The following GRM1 variants were observed in gnomAD, a reference collection of about 807,000 sequenced individuals.
The protein encoded by GRM1 is metabotropic glutamate receptor 1.
GRM1 carries 33 observed loss-of-function variants against 90.9 expected under a neutral mutation model. The observed-to-expected ratio is 0.36, with a 90% CI of 0.28 to 0.49. GRM1 has a LOEUF of 0.49. Ranked by LOEUF, GRM1 falls within the 20% of genes least tolerant of loss-of-function variation. The pLI is 0.99. For synonymous variants in GRM1, 700 were observed against 613.2 expected (o/e 1.14, Z -2.09); for missense variants, 1,190 against 1,534.3 (o/e 0.78, Z 3.75).
intron 2 of GRM1, among the ~76,000 whole-genome samples, chr6:146,184,980 A>G (rs1778677257): frequency 6.6e-6 from 1 of 152,350 alleles, no homozygotes; most frequent in South Asian, 2.1e-4. Context: ...AACCAGAAAT[A>G]TTCATTCTCC....
At chr6:146,161,693 C>T (rs1313136306) in intron 2 of GRM1, among the ~76,000 whole-genome samples, 2 of 152,338 alleles carry the variant, frequency 1.3e-5, no homozygotes, top group African/African-American at 4.8e-5. Flanking sequence ...CTATACCATA[C>T]TCTTTGCCAA....
At chr6:146,345,184 A>C (rs1785135909) in intron 3 of GRM1, among the ~76,000 whole-genome samples, 1 of 152,190 alleles carries the variant, frequency 6.6e-6, no homozygotes, top group South Asian at 2.1e-4. Flanking sequence ...TTTAAATCAC[A>C]AAGTCTGTTC....
chr6:146,387,132 C>T, intron 6 of GRM1, 116 bp downstream of exon 6: 4 of 965,656 alleles, frequency 4.1e-6, no homozygotes, highest in Non-Finnish European at 6.8e-6. Context: ...ACAATGCACA[C>T]TTTTTAGTCC....
At chr6:146,104,448 G>GA (rs200866085) in intron 1 of GRM1, among the ~76,000 whole-genome samples, 1,784 of 145,266 alleles carry the variant, frequency 0.012, 34 homozygotes, top group East Asian at 0.073. Context: ...TCAAAAAAAA[G>GA]AAAAAAAAAA....
At chr6:146,422,287 AG>A (rs1376602127) in intron 7 of GRM1, among the ~76,000 whole-genome samples, 3 of 152,208 alleles carry the variant, frequency 2.0e-5, no homozygotes, top group Non-Finnish European at 4.4e-5. Context: ...GAGAAAATAA[AG>A]TTTAATTTAT....
intron 2 of GRM1, among the ~76,000 whole-genome samples, chr6:146,215,507 C>A (rs1034877562): frequency 6.6e-6 from 1 of 152,114 alleles, no homozygotes; most frequent in Non-Finnish European, 1.5e-5. Context: ...ATGTGAATAA[C>A]GTTCTAGAGA....
chr6:146,322,574 C>A lies in GRM1; in HGVS notation c.1186+17728C>A, dbSNP rs931825509. The stretch of plus-strand genomic sequence containing the variant: ...GCACCTGACTGGGGCTGCTGCCTTT[C>A]TTTTATTTTATTTTATTTTATTTTA... On this transcript the variant is annotated intron_variant, in intron 3 of 7. Transcript: ENST00000282753. 4.6e-4 allele frequency among the ~76,000 whole-genome samples: 66 copies of A among 144,968 alleles called. No individual in the cohort carries two copies. The East Asian group carries it at 5.1e-3, about 11-fold the overall frequency.
intron 2 of GRM1, among the ~76,000 whole-genome samples, chr6:146,246,763 G>T (rs1410849566): frequency 6.6e-6 from 1 of 152,128 alleles, no homozygotes; most frequent in African/African-American, 2.4e-5. Flanking sequence ...ATTGTACTTT[G>T]ATGAAACCAG....
chr6:146,039,399 A>G (rs898920011), intron 1 of GRM1, among the ~76,000 whole-genome samples: 2 of 152,036 alleles, frequency 1.3e-5, no homozygotes, highest in Non-Finnish European at 2.9e-5. Context: ...TCTAAAGTAT[A>G]TGTCCTGGGA....
chr6:146,104,545 G>A (rs913165221), intron 1 of GRM1, among the ~76,000 whole-genome samples: 2 of 152,176 alleles, frequency 1.3e-5, no homozygotes, highest in Non-Finnish European at 2.9e-5. Flanking sequence ...TCATATGGGG[G>A]GGCATTAAGG....
intron 2 of GRM1, among the ~76,000 whole-genome samples, chr6:146,303,372 G>C (rs1365840388): frequency 6.6e-6 from 1 of 152,062 alleles, no homozygotes; most frequent in East Asian, 1.9e-4. Context: ...TCTTCAGCTT[G>C]ACTAAACTTT....
In GRM1 at chr6:146,030,132, C is replaced by T. The variant is rs750765615; in HGVS notation, c.615C>T (p.Val205=). 6.2e-7 allele frequency: 1 copy of T among 1,614,148 alleles called. No homozygotes were observed. The highest frequency in any genetic ancestry group is 8.5e-7 in the Non-Finnish European group (1 of 1,179,980). The change falls in exon 1 of 8, where the codon GTC becomes GTT. Residue 205 remains valine, a synonymous_variant. Transcript: ENST00000282753. The part of the protein sequence containing the change: ...KTLYKYFLRV[V]PSDTLQARAM... ...TGTACAAATACTTCCTGAGGGTTGT[C>T]CCTTCTGACACTTTGCAGGCAAGGG...
At chr6:146,329,832 A>G (rs1784525357) in intron 3 of GRM1, among the ~76,000 whole-genome samples, 1 of 152,190 alleles carries the variant, frequency 6.6e-6, no homozygotes, top group African/African-American at 2.4e-5. Context: ...TTTGAGAATA[A>G]AGTGCTGAAT....
intron 2 of GRM1, among the ~76,000 whole-genome samples, chr6:146,172,452 G>T (rs1006882186): frequency 6.6e-6 from 1 of 152,170 alleles, no homozygotes; most frequent in Non-Finnish European, 1.5e-5. Context: ...GTATTCACTG[G>T]TTCCAGAGAT....
chr6:146,275,313 G>A (rs968414941), intron 2 of GRM1, among the ~76,000 whole-genome samples: 5 of 152,154 alleles, frequency 3.3e-5, no homozygotes, highest in African/African-American at 1.2e-4. Flanking sequence ...ATTACAGGAG[G>A]AAAGAGGTAA....
chr6:146,125,745 G>A (rs1405259745), intron 1 of GRM1, among the ~76,000 whole-genome samples: 2 of 151,838 alleles, frequency 1.3e-5, no homozygotes, highest in Non-Finnish European at 2.9e-5. Context: ...GCTTATGCTT[G>A]CATGTGTTTT....
intron 2 of GRM1, among the ~76,000 whole-genome samples, chr6:146,229,980 A>G (rs1321486487): frequency 6.6e-6 from 1 of 152,188 alleles, no homozygotes; most frequent in Admixed American, 6.5e-5. Context: ...TCTGTCTAAT[A>G]TAAGACATTA....
At chr6:146,387,452 A>G (rs952288365) in intron 6 of GRM1, among the ~76,000 whole-genome samples, 1 of 152,104 alleles carries the variant, frequency 6.6e-6, no homozygotes, top group Non-Finnish European at 1.5e-5. Flanking sequence ...ATAATATAAC[A>G]TAACATAATT....
chr6:146,399,021 G>T lies in GRM1; in HGVS notation c.1982G>T (p.Arg661Leu). 2 of 1,613,950 alleles carry T rather than the reference G, an allele frequency of 1.2e-6. No homozygotes were observed. The highest frequency in any genetic ancestry group is 1.7e-6 in the Non-Finnish European group (2 of 1,179,974). Residue 661 changes from arginine (R) to leucine (L), a missense_variant, in exon 7 of 8, where the codon CGC (arginine) becomes CTC (leucine). By Grantham distance (102) the Arg-to-Leu change is moderately radical. Coordinates refer to ENST00000282753, the MANE Select transcript of GRM1 (RefSeq NM_001278064.2). The surrounding 1 kb of genome is among the most constrained non-coding windows in gnomAD (Gnocchi z 5.4). ...KPTTTSCYLQ[R>L]LLVGLSSAMC... Reference sequence around the variant, plus strand: ...ACTACCACCTCCTGCTACCTCCAGCGCCTCTTGGTTGGCCTCTCCTCTGCG... The same window carrying T: ...ACTACCACCTCCTGCTACCTCCAGCTCCTCTTGGTTGGCCTCTCCTCTGCG...
Sources: allele counts gnomAD v4.1 joint callset (sites outside exome capture counted in the v4.1 genomes callset), GRCh38; gene constraint gnomAD v4.1.1; non-coding constraint Gnocchi (gnomAD v3.1); transcripts MANE v1.5; gene names NCBI Gene and HGNC (gene_info 2026-07-23, HGNC 2026-07-21).